Variants in ZNF131 observed in about 807,000 individuals in gnomAD.
ZNF131 encodes zinc finger and BTB domain containing 35, also known as zinc finger protein 131.
In ZNF131, 7 loss-of-function variants were observed where a neutral mutation model predicts 60.0. That is an observed-to-expected ratio of 0.12 (90% confidence interval 0.07 to 0.22). ZNF131 has a LOEUF of 0.22. ZNF131 is among the 10% of genes least tolerant of loss of function. ZNF131 has a pLI of 1.00. For synonymous variants in ZNF131, 257 were observed against 253.2 expected (o/e 1.01, Z -0.14); for missense variants, 493 against 740.9 (o/e 0.67, Z 3.88).
At chr5:43,122,844 T>C (rs763946085) in intron 2 of ZNF131, among the ~76,000 whole-genome samples, 3 of 152,246 alleles carry the variant, frequency 2.0e-5, no homozygotes, top group Non-Finnish European at 4.4e-5. Context: ...TTTTTTTCTC[T>C]CTTTCCAAAT....
chr5:43,123,522 G>T (rs1233743086), intron 3 of ZNF131: 4 of 375,708 alleles, frequency 1.1e-5, no homozygotes, highest in South Asian at 5.9e-5. Flanking sequence ...TCAGTGAAGT[G>T]CTTGGTTGAA....
chr5:43,132,291 A>T (rs1236811766), intron 3 of ZNF131, among the ~76,000 whole-genome samples: 3 of 152,208 alleles, frequency 2.0e-5, no homozygotes, highest in Non-Finnish European at 4.4e-5. Flanking sequence ...AAATAAAACT[A>T]GCCTTCAGTG....
intron 4 of ZNF131, among the ~76,000 whole-genome samples, chr5:43,160,203 AAAAAG>A (rs1260980078): frequency 1.3e-5 from 2 of 150,172 alleles, no homozygotes; most frequent in African/African-American, 4.9e-5. Context: ...AAAAAAACAA[AAAAAG>A]AAGAAATCTG....
chr5:43,161,234 C>T lies in ZNF131; in HGVS notation c.372-15C>T, dbSNP rs773659231. The T allele has an allele frequency of 8.3e-6, 13 of 1,575,464 alleles. No homozygotes were observed. Among genetic ancestry groups the T allele is most frequent in the East Asian group, 2.2e-5 (1 of 44,616 alleles). Reference sequence around the variant, plus strand: ...TTCTTATAGATTTTTTAAACCCCTACATTATGTATTTCAGGAACAAAGAAA... The same window carrying T: ...TTCTTATAGATTTTTTAAACCCCTATATTATGTATTTCAGGAACAAAGAAA... On this transcript the variant is annotated splice_polypyrimidine_tract_variant and intron_variant, in intron 4 of 6. Transcript: ENST00000682664.
intron 5 of ZNF131, 66 bp from the exon 6 acceptor site, chr5:43,173,252 G>T: frequency 7.0e-7 from 1 of 1,422,086 alleles, no homozygotes. Context: ...AAAAGTAAAC[G>T]TTTAAAATTA....
chr5:43,166,585 C>A (rs1224266050), intron 5 of ZNF131, among the ~76,000 whole-genome samples: 1 of 152,072 alleles, frequency 6.6e-6, no homozygotes, highest in African/African-American at 2.4e-5. Flanking sequence ...TGGTCTCGAT[C>A]TCTTGACCTC....
In ZNF131 at chr5:43,171,419, A is replaced by G. The variant is rs543140875; in HGVS notation, c.1055-1899A>G. ...AAATAATGGATGTCCCTCCTGGCTT[A>G]AAGAATCCTGTTATTGGCTGGGCAC... On this transcript the variant is annotated intron_variant, in intron 5 of 6. Transcript: ENST00000682664. Among the ~76,000 whole-genome samples the G allele has an allele frequency of 1.3e-4, 20 of 152,250 alleles. No homozygotes were observed. In the South Asian group the frequency reaches 3.9e-3, roughly 30 times the overall value.
At chr5:43,167,912 G>A (rs1440539454) in intron 5 of ZNF131, 2 of 445,066 alleles carry the variant, frequency 4.5e-6, no homozygotes, top group African/African-American at 2.0e-5. Context: ...ATAAAGAAAA[G>A]GAATTTATTT....
chr5:43,142,893 A>T (rs576650750), intron 4 of ZNF131, among the ~76,000 whole-genome samples: 45 of 152,010 alleles, frequency 3.0e-4, no homozygotes, highest in Non-Finnish European at 5.3e-4. Context: ...GGATTTCACC[A>T]TGTTGCCCAG....
At chr5:43,139,450 A>T (rs1746530720) in intron 4 of ZNF131, 141 bp downstream of exon 4, 1 of 862,548 alleles carries the variant, frequency 1.2e-6, no homozygotes, top group Non-Finnish European at 1.6e-6. Flanking sequence ...CTATTAAAAA[A>T]TTTTCTGGAT....
chr5:43,131,333 C>T (rs181623039), intron 3 of ZNF131, among the ~76,000 whole-genome samples: 9 of 151,172 alleles, frequency 6.0e-5, no homozygotes, highest in Non-Finnish European at 8.8e-5. Context: ...CCACCACACC[C>T]GGCTAATTTT....
At position 43,173,337 on chromosome 5, in the gene ZNF131, T is replaced by C; in HGVS notation, c.1074T>C (p.Cys358=). The C allele has an allele frequency of 1.2e-6, 2 of 1,609,280 alleles. No individual in the cohort carries two copies. Among genetic ancestry groups the C allele is most frequent in the Middle Eastern group, 1.7e-4 (1 of 6,038 alleles). Residue 358 remains cysteine, a synonymous_variant, in exon 6 of 7, where the codon TGT becomes TGC. Transcript: ENST00000682664. The part of the protein sequence containing the change: ...RKHTGEKPFE[C]PNCHERFARN... ...TAATAGGTGAAAAACCTTTTGAATGTCCAAATTGTCATGAACGATTTGCTA... is the reference window on the plus strand; with the variant it reads ...TAATAGGTGAAAAACCTTTTGAATGCCCAAATTGTCATGAACGATTTGCTA...
chr5:43,175,003 A>G lies in ZNF131; in HGVS notation c.1742A>G (p.Gln581Arg). 1 of 1,614,166 alleles carries G rather than the reference A, an allele frequency of 6.2e-7. No individual in the cohort carries two copies. The highest frequency in any genetic ancestry group is 1.1e-5 in the South Asian group (1 of 91,078). Residue 581 changes from glutamine to arginine, a missense_variant, in exon 7 of 7, where the codon CAA becomes CGA. Gln to Arg is a conservative substitution (Grantham distance 43, BLOSUM62 1). Coordinates refer to ENST00000682664, the MANE Select transcript of ZNF131 (RefSeq NM_001330707.2). ...AACCAAGAGGAGAGAGAGTCTAGCC[A>G]AGCAGATGCTGCTGAGGCTGCCAGG... ...IMNQEERESS[Q>R]ADAAEAARED...
chr5:43,134,280 G>C (rs1036107801), intron 3 of ZNF131, among the ~76,000 whole-genome samples: 1 of 152,178 alleles, frequency 6.6e-6, no homozygotes, highest in Admixed American at 6.5e-5. Context: ...AATGACGTGA[G>C]TATCTCAATA....
At chr5:43,157,195 C>T (rs985866032) in intron 4 of ZNF131, among the ~76,000 whole-genome samples, 3 of 152,146 alleles carry the variant, frequency 2.0e-5, no homozygotes, top group Non-Finnish European at 4.4e-5. Context: ...TTTTACTGTC[C>T]TCCAAATGAA....
At chr5:43,168,316 G>A (rs1315895180) in intron 5 of ZNF131, among the ~76,000 whole-genome samples, 2 of 152,234 alleles carry the variant, frequency 1.3e-5, no homozygotes, top group South Asian at 2.1e-4. Flanking sequence ...AAAGGAGTTA[G>A]CCTCGAAACA....
intron 4 of ZNF131, among the ~76,000 whole-genome samples, chr5:43,144,237 C>CTTTTTTTTTTT (rs935655531): frequency 1.5e-5 from 1 of 65,296 alleles, no homozygotes; most frequent in African/African-American, 6.1e-5. Context: ...TTCTTTCTTT[C>CTTTTTTTTTTT]TTTTTTTTTT....
intron 5 of ZNF131, among the ~76,000 whole-genome samples, chr5:43,171,312 C>T (rs141670967): frequency 6.6e-6 from 1 of 152,264 alleles, no homozygotes; most frequent in Non-Finnish European, 1.5e-5. Context: ...TTCTGGATCC[C>T]ATGCCTTGAT....
At chr5:43,160,746 C>T (rs911753368) in intron 4 of ZNF131, among the ~76,000 whole-genome samples, 12 of 139,896 alleles carry the variant, frequency 8.6e-5, no homozygotes, top group African/African-American at 2.7e-4. Context: ...TGCAATGGTG[C>T]GATCTTGGCT....
Sources: allele counts gnomAD v4.1 joint callset (sites outside exome capture counted in the v4.1 genomes callset), GRCh38; gene constraint gnomAD v4.1.1; transcripts MANE v1.5; gene names NCBI Gene and HGNC (gene_info 2026-07-23, HGNC 2026-07-21).